The following ZNF891 variants were observed in gnomAD, a reference collection of about 807,000 sequenced individuals.
The protein encoded by ZNF891 is hCG1646157.
For synonymous variants in ZNF891, 199 were observed against 209.0 expected (o/e 0.95, Z 0.41); for missense variants, 589 against 632.7 (o/e 0.93, Z 0.74).
At chr12:133,129,541 G>A (rs1955853626) in intron 1 of ZNF891, among the ~76,000 whole-genome samples, 1 of 149,944 alleles carries the variant, frequency 6.7e-6, no homozygotes, top group Non-Finnish European at 1.5e-5. Context: ...GAAGTTAAAT[G>A]CGTACTAAAT....
intron 1 of ZNF891, among the ~76,000 whole-genome samples, chr12:133,127,117 C>G (rs1203934288): frequency 6.6e-6 from 1 of 151,674 alleles, no homozygotes; most frequent in Non-Finnish European, 1.5e-5. Context: ...GCGCCGGCCA[C>G]CACGCCCGGC....
rs899808694 is a variant in ZNF891, at chr12:133,110,591, A to C, written c.*9693T>G. The C allele has an allele frequency of 1.3e-5, 2 of 152,212 alleles. No homozygotes were observed. The highest frequency in any genetic ancestry group is 4.8e-5 in the African/African-American group (2 of 41,448). The allele number at this position is 152,212 out of a possible 1,614,324, so 9.4% of individuals were successfully genotyped here. The stretch of plus-strand genomic sequence containing the variant: ...ACTTAAGATACTCACAAATAGGTAA[A>C]GCTGGGTTAACTTTTGTTGCTGTGA... On this transcript the variant is annotated 3_prime_UTR_variant, in exon 2 of 2. Coordinates refer to ENST00000537226, the MANE Select transcript of ZNF891 (RefSeq NM_001277291.2).
rs567126060 is a variant in ZNF891 at position 133,125,141 on chromosome 12, G to A, written c.-106-3117C>T. Among the ~76,000 whole-genome samples, 5 of 152,036 alleles carry A rather than the reference G, an allele frequency of 3.3e-5. No homozygotes were observed. The South Asian group carries it at 1.0e-3, about 32-fold the overall frequency. The stretch of plus-strand genomic sequence containing the variant: ...GAATTTTAAAAATTCACGAGAAAAC[G>A]GAAAAATCTGAACACTGCCTATACA... On this transcript the variant is annotated intron_variant, in intron 1 of 1. Coordinates refer to ENST00000537226, the MANE Select transcript of ZNF891 (RefSeq NM_001277291.2).
chr12:133,127,493 T>C (rs922378606), intron 1 of ZNF891, among the ~76,000 whole-genome samples: 2 of 152,252 alleles, frequency 1.3e-5, no homozygotes, highest in African/African-American at 4.8e-5. Flanking sequence ...GCTTTCAAAA[T>C]TCTAATGGAA....
Position 133,105,601 on chromosome 12 carries a change from A to T in ZNF891, c.*14683T>A. ...AGTATTTGATCATGGAAAGAATTCT[A>T]AGTCAAGGCCCTGTGTATTCCAGTT... On this transcript the variant is annotated 3_prime_UTR_variant, in exon 2 of 2. Coordinates refer to ENST00000537226, the MANE Select transcript of ZNF891 (RefSeq NM_001277291.2). 11 of 1,614,156 alleles carry T rather than the reference A, an allele frequency of 6.8e-6. No homozygotes were observed. The highest frequency in any genetic ancestry group is 9.3e-6 in the Non-Finnish European group (11 of 1,180,020).
In ZNF891 at chr12:133,106,196, G is replaced by A. The variant is rs1027166280; in HGVS notation, c.*14088C>T. ...GAAACCTTATGAATGCATTGAATGT[G>A]GGAAGGCATTTCGCCGTTTCTCACA... On this transcript the variant is annotated 3_prime_UTR_variant, in exon 2 of 2. Transcript: ENST00000537226. 1 of 1,614,018 alleles carries A rather than the reference G, an allele frequency of 6.2e-7. No individual in the cohort carries two copies. The highest frequency in any genetic ancestry group is 8.5e-7 in the Non-Finnish European group (1 of 1,180,030).
rs1463872076 is a variant in ZNF891 at position 133,105,078 on chromosome 12, GATT to G, written c.*15203_*15205del. 6.6e-6 allele frequency among the ~76,000 whole-genome samples: 1 copy of G among 152,150 alleles called. No individual in the cohort carries two copies. Among genetic ancestry groups the G allele is most frequent in the Admixed American group, 6.5e-5 (1 of 15,280 alleles). ...GAGAAACCGCTTTTTTTTTCATTTAGATTATTATAAGATGTTCCAGAGGCACTA... is the reference window on the plus strand; with the variant it reads ...GAGAAACCGCTTTTTTTTTCATTTAGATTATAAGATGTTCCAGAGGCACTA... On this transcript the variant is annotated 3_prime_UTR_variant, in exon 2 of 2. Coordinates refer to ENST00000537226, the MANE Select transcript of ZNF891 (RefSeq NM_001277291.2).
rs976273278 is a variant in ZNF891 at position 133,108,715 on chromosome 12, A to G, written c.*11569T>C. The G allele has an allele frequency of 1.3e-5, 2 of 152,252 alleles. No homozygotes were observed. Among genetic ancestry groups the G allele is most frequent in the African/African-American group, 2.4e-5 (1 of 41,468 alleles). 9.4% of individuals were successfully genotyped at this position (152,252 alleles called of 1,614,324 possible). The stretch of plus-strand genomic sequence containing the variant: ...AACGTTTACTTTGGAGCAATCTCCA[A>G]TTAACCAAAGTGATACAAACACAGT... On this transcript the variant is annotated 3_prime_UTR_variant, in exon 2 of 2. Transcript: ENST00000537226.
At position 133,109,899 on chromosome 12, in the gene ZNF891, A is replaced by G. The variant is rs1005862807; in HGVS notation, c.*10385T>C. On this transcript the variant is annotated 3_prime_UTR_variant, in exon 2 of 2. Transcript: ENST00000537226. ...GCTTAGAAAAATAAGAATATGCAACAGTTACCATATATGGCCTGCAAAACC... is the reference window on the plus strand; with the variant it reads ...GCTTAGAAAAATAAGAATATGCAACGGTTACCATATATGGCCTGCAAAACC... 20 of 149,870 alleles carry G rather than the reference A, an allele frequency of 1.3e-4. No homozygotes were observed. Among genetic ancestry groups the G allele is most frequent in the African/African-American group, 5.1e-4 (20 of 39,188 alleles). 9.3% of individuals were successfully genotyped at this position (149,870 alleles called of 1,614,324 possible).
rs1202679148 is a variant in ZNF891 at position 133,111,886 on chromosome 12, G to C, written c.*8398C>G. 1 of 152,168 alleles carries C rather than the reference G, an allele frequency of 6.6e-6. No individual in the cohort carries two copies. The highest frequency in any genetic ancestry group is 1.5e-5 in the Non-Finnish European group (1 of 68,024). The allele number at this position is 152,168 out of a possible 1,614,324, so 9.4% of individuals were successfully genotyped here. A position where few individuals can be genotyped will look rare whatever the true frequency, so the allele number is the denominator to read the frequency against. Reference sequence around the variant, plus strand: ...AAAAAAGTGAATGCTAAGGAAATTAGTTTTTGGCATTCAAATTTCATACAT... The same window carrying C: ...AAAAAAGTGAATGCTAAGGAAATTACTTTTTGGCATTCAAATTTCATACAT... On this transcript the variant is annotated 3_prime_UTR_variant, in exon 2 of 2. Transcript: ENST00000537226.
rs1955677031 is a variant in ZNF891 at position 133,110,704 on chromosome 12, G to C, written c.*9580C>G. On this transcript the variant is annotated 3_prime_UTR_variant, in exon 2 of 2. Transcript: ENST00000537226. ...TGCCTGTAATCCCAGCATGATCCCA[G>C]CATGGGAGGCTGAGGCAGGCAGATC... The C allele has an allele frequency of 6.6e-6, 1 of 152,240 alleles. No individual in the cohort carries two copies. The highest frequency in any genetic ancestry group is 2.4e-5 in the African/African-American group (1 of 41,466). 9.4% of individuals were successfully genotyped at this position (152,240 alleles called of 1,614,324 possible).
rs1376588858 is a variant in ZNF891 at position 133,112,173 on chromosome 12, C to A, written c.*8111G>T. ...CTTACTTTCTGTTCCACAAATATGT[C>A]AAATCCTGATGAGTCTTTTTGCTCT... is the stretch of plus-strand genomic sequence containing the variant. On this transcript the variant is annotated 3_prime_UTR_variant, in exon 2 of 2. Coordinates refer to ENST00000537226, the MANE Select transcript of ZNF891 (RefSeq NM_001277291.2). 6.6e-6 allele frequency: 1 copy of A among 152,248 alleles called. No homozygotes were observed. Among genetic ancestry groups the A allele is most frequent in the African/African-American group, 2.4e-5 (1 of 41,448 alleles). The allele number at this position is 152,248 out of a possible 1,614,324, so 9.4% of individuals were successfully genotyped here. A position where few individuals can be genotyped will look rare whatever the true frequency, so the allele number is the denominator to read the frequency against.
chr12:133,120,984 CCTTGTTT>C lies in ZNF891; in HGVS notation c.928_934del (p.Lys310AspfsTer52). On this transcript the variant is annotated frameshift_variant, in exon 2 of 2. Transcript: ENST00000537226. LOFTEE classifies it low-confidence loss of function (END_TRUNC). ...ATGTTTCTTTTCAGTATGAGTTTGT[CCTTGTTT>C]CTTAAGGGATGATTGATGACACAGC... is the stretch of plus-strand genomic sequence containing the variant. 6.5e-7 allele frequency: 1 copy of C among 1,535,658 alleles called. No individual in the cohort carries two copies. The highest frequency in any genetic ancestry group is 8.7e-7 in the Non-Finnish European group (1 of 1,146,840).
chr12:133,108,641 A>T lies in ZNF891; in HGVS notation c.*11643T>A, dbSNP rs920554873. 6.6e-6 allele frequency: 1 copy of T among 152,290 alleles called. No homozygotes were observed. The highest frequency in any genetic ancestry group is 1.5e-5 in the Non-Finnish European group (1 of 68,030). The allele number at this position is 152,290 out of a possible 1,614,324, so 9.4% of individuals were successfully genotyped here. ...AGAAAAACTTGGCCAACCCCTGACTACATCAAATCTTTGCCCTCTAGTTTT... is the reference window on the plus strand; with the variant it reads ...AGAAAAACTTGGCCAACCCCTGACTTCATCAAATCTTTGCCCTCTAGTTTT... On this transcript the variant is annotated 3_prime_UTR_variant, in exon 2 of 2. Transcript: ENST00000537226.
At position 133,109,671 on chromosome 12, in the gene ZNF891, G is replaced by A. The variant is rs1955666827; in HGVS notation, c.*10613C>T. 6.6e-6 allele frequency: 1 copy of A among 152,092 alleles called. No individual in the cohort carries two copies. The highest frequency in any genetic ancestry group is 1.5e-5 in the Non-Finnish European group (1 of 68,026). The allele number at this position is 152,092 out of a possible 1,614,324, so 9.4% of individuals were successfully genotyped here. On this transcript the variant is annotated 3_prime_UTR_variant, in exon 2 of 2. Transcript: ENST00000537226. The stretch of plus-strand genomic sequence containing the variant: ...AAGATGTTTCAGAATAAAAATAGAG[G>A]AAATTTACGGTAGCATTCTTATGCT...
Position 133,111,962 on chromosome 12 carries a change from T to C in ZNF891, c.*8322A>G, listed in dbSNP as rs1009762422. 2.0e-5 allele frequency: 3 copies of C among 152,206 alleles called. No homozygotes were observed. The highest frequency in any genetic ancestry group is 4.4e-5 in the Non-Finnish European group (3 of 68,036). 9.4% of individuals were successfully genotyped at this position (152,206 alleles called of 1,614,324 possible). A position where few individuals can be genotyped will look rare whatever the true frequency, so the allele number is the denominator to read the frequency against. On this transcript the variant is annotated 3_prime_UTR_variant, in exon 2 of 2. Transcript: ENST00000537226. ...CTCTCAAGATTTTTTTATACAAAAATGTGATCTTTTTAAAACAAATAATTT... is the reference window on the plus strand; with the variant it reads ...CTCTCAAGATTTTTTTATACAAAAACGTGATCTTTTTAAAACAAATAATTT...
chr12:133,129,226 G>A (rs568248597), intron 1 of ZNF891, among the ~76,000 whole-genome samples: 2 of 152,230 alleles, frequency 1.3e-5, no homozygotes, highest in South Asian at 4.1e-4. Flanking sequence ...TCAGGGCCGG[G>A]TGCGGTGGCT....
rs1335453133 is a variant in ZNF891 at position 133,120,929 on chromosome 12, T to C, written c.990A>G (p.Lys330=). ...TGTATAAAGTAAGATTAGAAATCCT[T>C]TTGAAGGCTTTTCCACATTGATTGC... The part of the protein sequence containing the change: ...HECNQCGKAF[K]RISNLTLYKK... The change falls in exon 2 of 2, where the codon AAA becomes AAG. Residue 330 remains lysine, a synonymous_variant. Coordinates refer to ENST00000537226, the MANE Select transcript of ZNF891 (RefSeq NM_001277291.2). The C allele has an allele frequency of 6.5e-7, 1 of 1,536,462 alleles. No homozygotes were observed. The highest frequency in any genetic ancestry group is 8.7e-7 in the Non-Finnish European group (1 of 1,146,852).
In ZNF891 at chr12:133,112,254, CAGA is replaced by C. The variant is rs1259755640; in HGVS notation, c.*8027_*8029del. On this transcript the variant is annotated 3_prime_UTR_variant, in exon 2 of 2. Coordinates refer to ENST00000537226, the MANE Select transcript of ZNF891 (RefSeq NM_001277291.2). Reference sequence around the variant, plus strand: ...TCCCTCCACCCTCTGCCCATGGAGCCAGAAGAAGGAGCTCCCTACTCCTTCTTT... The same window carrying C: ...TCCCTCCACCCTCTGCCCATGGAGCCAGAAGGAGCTCCCTACTCCTTCTTT... 3 of 152,104 alleles carry C rather than the reference CAGA, an allele frequency of 2.0e-5. No individual in the cohort carries two copies. Among genetic ancestry groups the C allele is most frequent in the East Asian group, 1.9e-4 (1 of 5,196 alleles). The allele number at this position is 152,104 out of a possible 1,614,324, so 9.4% of individuals were successfully genotyped here.
Sources: allele counts gnomAD v4.1 joint callset (sites outside exome capture counted in the v4.1 genomes callset), GRCh38; gene constraint gnomAD v4.1.1; transcripts MANE v1.5; gene names NCBI Gene and HGNC (gene_info 2026-07-23, HGNC 2026-07-21).